TXNDC16: variants seen among roughly 807,000 people sequenced by gnomAD.
TXNDC16 encodes the protein thioredoxin domain-containing protein 16.
Under a neutral mutation model 85.6 loss-of-function variants are expected in TXNDC16, and 74 were observed. The observed-to-expected ratio is 0.86, with a 90% confidence interval of 0.72 to 1.05. The LOEUF is 1.05. Among genes scored for constraint, TXNDC16 ranks in the 50% least tolerant of loss-of-function variants. The probability of loss-of-function intolerance (pLI) is 0.00; values close to 1 mark genes in which losing one functional copy is unlikely to be tolerated. For missense variants in TXNDC16, 959 were observed against 947.0 expected (o/e 1.01, Z -0.17); for synonymous variants, 335 against 326.5 (o/e 1.03, Z -0.28).
At chr14:52,540,286 CT>C (rs1168169901) in intron 4 of TXNDC16, among the ~76,000 whole-genome samples, 1 of 152,214 alleles carries the variant, frequency 6.6e-6, no homozygotes, top group African/African-American at 2.4e-5. Context: ...CCCAATACAT[CT>C]GTGACTTTCC....
At chr14:52,445,654 C>T (rs554785929) in intron 18 of TXNDC16, among the ~76,000 whole-genome samples, 80 of 152,228 alleles carry the variant, frequency 5.3e-4, no homozygotes, top group Non-Finnish European at 8.7e-4. Context: ...AGATGGTGGT[C>T]CCATAAGATT....
At chr14:52,537,237 G>A (rs2037724454) in intron 5 of TXNDC16, among the ~76,000 whole-genome samples, 1 of 152,120 alleles carries the variant, frequency 6.6e-6, no homozygotes, top group Non-Finnish European at 1.5e-5. Context: ...AAACCCAAGT[G>A]CAGAGAGATT....
intron 9 of TXNDC16, among the ~76,000 whole-genome samples, chr14:52,499,082 T>C (rs1483131455): frequency 6.6e-6 from 1 of 152,160 alleles, no homozygotes; most frequent in African/African-American, 2.4e-5. Flanking sequence ...AAGGACAGTC[T>C]CTTCAATAGA....
intron 18 of TXNDC16, among the ~76,000 whole-genome samples, chr14:52,451,055 T>A (rs1240178371): frequency 6.6e-6 from 1 of 151,724 alleles, no homozygotes; most frequent in Non-Finnish European, 1.5e-5. Context: ...TGTTTCTAAG[T>A]GTAAGCTAAG....
intron 16 of TXNDC16, among the ~76,000 whole-genome samples, chr14:52,464,416 T>C (rs1238183752): frequency 6.6e-6 from 1 of 152,186 alleles, no homozygotes; most frequent in Non-Finnish European, 1.5e-5. Context: ...AATGATTTTA[T>C]CCTATTTGTG....
In TXNDC16 at chr14:52,492,612, G is replaced by C. The variant is rs114987345; in HGVS notation, c.757-1607C>G. On this transcript the variant is annotated intron_variant, in intron 9 of 20. Transcript: ENST00000281741. ...CCGCCACCCAGCACAGCTGGCTTCA[G>C]GGTCCATCTGAGCACTGCTTGGCGT... 3.4e-3 allele frequency among the ~76,000 whole-genome samples: 524 copies of C among 152,316 alleles called. 2 individuals carry two copies. Among genetic ancestry groups the C allele is most frequent in the African/African-American group, 0.012 (485 of 41,572 alleles).
At chr14:52,509,545 TA>T (rs1307598888) in intron 9 of TXNDC16, among the ~76,000 whole-genome samples, 1 of 151,648 alleles carries the variant, frequency 6.6e-6, no homozygotes, top group African/African-American at 2.4e-5. Flanking sequence ...AAAAGTTACT[TA>T]AAGAACTAAT....
chr14:52,494,220 C>A (rs1293611519), intron 9 of TXNDC16, among the ~76,000 whole-genome samples: 1 of 152,082 alleles, frequency 6.6e-6, no homozygotes, highest in Non-Finnish European at 1.5e-5. Context: ...TTCCTACCCC[C>A]TAGTGAACAA....
At chr14:52,545,260 G>T (rs2037918384) in intron 1 of TXNDC16, among the ~76,000 whole-genome samples, 1 of 151,946 alleles carries the variant, frequency 6.6e-6, no homozygotes, top group South Asian at 2.1e-4. Context: ...AGCACCAAAG[G>T]TCTAACCATA....
intron 16 of TXNDC16, among the ~76,000 whole-genome samples, chr14:52,457,559 T>A (rs8015227): frequency 0.11 from 16,096 of 152,226 alleles, 1,020 homozygotes; most frequent in East Asian, 0.18. Flanking sequence ...TGTGAAATGA[T>A]ATGCACATTA....
At chr14:52,532,879 A>C (rs2037615904) in intron 6 of TXNDC16, among the ~76,000 whole-genome samples, 1 of 152,192 alleles carries the variant, frequency 6.6e-6, no homozygotes, top group Non-Finnish European at 1.5e-5. Flanking sequence ...GGCAATTTGC[A>C]AGGTACAGCT....
chr14:52,493,216 T>TATATATATATATATACACACACACAC, intron 9 of TXNDC16, among the ~76,000 whole-genome samples: 11 of 115,986 alleles, frequency 9.5e-5, no homozygotes, highest in African/African-American at 3.5e-4. Context: ...TATATATATA[T>TATATATATATATATACACACACACAC]ACACACACAC....
chr14:52,478,476 TA>T (rs2036068249), intron 14 of TXNDC16, among the ~76,000 whole-genome samples: 1 of 152,042 alleles, frequency 6.6e-6, no homozygotes. Flanking sequence ...TAAGCTCTAT[TA>T]GAAACGAAAT....
At chr14:52,472,488 G>T (rs929210046) in intron 14 of TXNDC16, among the ~76,000 whole-genome samples, 1 of 152,070 alleles carries the variant, frequency 6.6e-6, no homozygotes, top group Non-Finnish European at 1.5e-5. Context: ...GAGCCACCGC[G>T]CCCGGCCTTA....
At chr14:52,445,740 T>C (rs2035266574) in intron 18 of TXNDC16, among the ~76,000 whole-genome samples, 1 of 152,192 alleles carries the variant, frequency 6.6e-6, no homozygotes, top group Admixed American at 6.5e-5. Context: ...CCTACAGTAT[T>C]TAGTAAAGTA....
chr14:52,532,531 G>T (rs1411740294), intron 6 of TXNDC16, among the ~76,000 whole-genome samples: 1 of 151,992 alleles, frequency 6.6e-6, no homozygotes, highest in Non-Finnish European at 1.5e-5. Context: ...CCACCTCCCG[G>T]ATTCACACCA....
intron 1 of TXNDC16, among the ~76,000 whole-genome samples, chr14:52,546,899 AT>A (rs1228764576): frequency 4.6e-5 from 7 of 152,264 alleles, no homozygotes; most frequent in Non-Finnish European, 1.0e-4. Flanking sequence ...AGTGACCCAC[AT>A]TAATAAGTTT....
intron 16 of TXNDC16, among the ~76,000 whole-genome samples, chr14:52,463,156 A>T (rs2035691319): frequency 6.6e-6 from 1 of 151,918 alleles, no homozygotes; most frequent in South Asian, 2.1e-4. Flanking sequence ...TCCTGGACCC[A>T]GTCCAGTTTC....
chr14:52,455,200 C>G, intron 18 of TXNDC16, 124 bp downstream of exon 18: 1 of 1,055,290 alleles, frequency 9.5e-7, no homozygotes, highest in East Asian at 2.5e-5. Context: ...TCCAGTAAAT[C>G]CTCAGCTCAC....
Sources: gnomAD v4.1 joint callset for allele counts (sites outside exome capture counted in the v4.1 genomes callset) on GRCh38, gnomAD v4.1.1 for gene constraint, MANE v1.5 for transcripts, NCBI Gene and HGNC (gene_info 2026-07-23, HGNC 2026-07-21) for gene names.